The following DPP10 variants were observed in gnomAD, a reference collection of about 807,000 sequenced individuals.
DPP10 encodes the protein inactive dipeptidyl peptidase 10.
DPP10 carries 33 observed loss-of-function variants against 120.9 expected under a neutral mutation model. The ratio of observed to expected loss-of-function variants is 0.27; its 90% CI spans 0.21 to 0.37. DPP10 has a LOEUF of 0.37. Among genes scored for constraint, DPP10 ranks in the 10% least tolerant of loss-of-function variants. DPP10 has a pLI of 1.00. For synonymous variants in DPP10, 337 were observed against 326.1 expected, an observed-to-expected ratio of 1.03 and a Z score of -0.36; for missense variants, 816 against 942.8, an observed-to-expected ratio of 0.87 and a Z score of 1.76.
chr2:115,642,601 C>G (rs2086875860), intron 5 of DPP10, among the ~76,000 whole-genome samples: 1 of 152,066 alleles, frequency 6.6e-6, no homozygotes, highest in Non-Finnish European at 1.5e-5. Flanking sequence ...CTTCTTATTT[C>G]TCTTAAATTC....
At chr2:115,402,250 C>G (rs115854420) in intron 3 of DPP10, among the ~76,000 whole-genome samples, 2 of 152,076 alleles carry the variant, frequency 1.3e-5, no homozygotes, top group South Asian at 2.1e-4. Flanking sequence ...GTTTTCCCAC[C>G]ATTCAGGCAC....
intron 1 of DPP10, among the ~76,000 whole-genome samples, chr2:114,832,872 T>A (rs891893528): frequency 5.9e-5 from 9 of 151,910 alleles, no homozygotes; most frequent in Admixed American, 2.6e-4. Flanking sequence ...AAAAAAAAAA[T>A]TTAAGTACTT....
chr2:115,643,551 C>T (rs2086965832), intron 5 of DPP10, among the ~76,000 whole-genome samples: 1 of 152,148 alleles, frequency 6.6e-6, no homozygotes, highest in Non-Finnish European at 1.5e-5. Context: ...TCTAACAGAA[C>T]ACTGGATGAT....
intron 1 of DPP10, among the ~76,000 whole-genome samples, chr2:114,827,759 T>C (rs1426791576): frequency 1.3e-5 from 2 of 152,036 alleles, no homozygotes; most frequent in Non-Finnish European, 2.9e-5. Context: ...CTGGGGGAGG[T>C]AGATCAAGTA....
chr2:115,840,794 A>G lies in DPP10; in HGVS notation c.2227A>G (p.Ile743Val), dbSNP rs931949159. The change falls in exon 25 of 26, where the codon ATA (isoleucine) becomes GTA (valine). Residue 743 changes from isoleucine (I) to valine (V), a missense_variant. Ile to Val is a conservative substitution (Grantham distance 29). This residue lies in a region of DPP10 where 592 missense variants were observed against 649.0 expected (regional missense o/e 0.91). Transcript: ENST00000410059. Reference protein sequence around the residue: ...QHSAELIKHLIKAGVNYTMQV... With the variant: ...QHSAELIKHLVKAGVNYTMQV... ...CTCAGCAGAATTAATCAAGCACCTA[A>G]TAAAAGCTGGAGTGAATTATACTAT... 1 of 1,613,684 alleles carries G rather than the reference A, an allele frequency of 6.2e-7. No homozygotes were observed. The highest frequency in any genetic ancestry group is 1.3e-5 in the African/African-American group (1 of 74,912).
At chr2:115,596,639 T>C (rs1287778169) in intron 5 of DPP10, among the ~76,000 whole-genome samples, 1 of 152,120 alleles carries the variant, frequency 6.6e-6, no homozygotes, top group Non-Finnish European at 1.5e-5. Context: ...GGACAGCTCT[T>C]GTAAAACAAA....
intron 3 of DPP10, among the ~76,000 whole-genome samples, chr2:115,368,196 T>C (rs898515234): frequency 6.6e-6 from 1 of 152,096 alleles, no homozygotes; most frequent in African/African-American, 2.4e-5. Context: ...AGGCCGAAAT[T>C]ATGACAGAGA....
At chr2:115,777,916 T>G in intron 15 of DPP10, 82 bp downstream of exon 15, 1 of 1,432,192 alleles carries the variant, frequency 7.0e-7, no homozygotes, top group Non-Finnish European at 9.7e-7. Flanking sequence ...AAGGAAAAAT[T>G]TGAAATGTCT....
At chr2:115,838,291 A>G (rs1450489858) in intron 24 of DPP10, among the ~76,000 whole-genome samples, 2 of 152,194 alleles carry the variant, frequency 1.3e-5, no homozygotes, top group Non-Finnish European at 2.9e-5. Context: ...TTACATATAT[A>G]TCAACAGTAA....
At chr2:114,497,421 A>C in intron 1 of DPP10, among the ~76,000 whole-genome samples, 1 of 112,000 alleles carries the variant, frequency 8.9e-6, no homozygotes, top group African/African-American at 4.8e-5. Flanking sequence ...ATACATATGC[A>C]TCTATATATA....
chr2:114,543,147 T>A (rs1205037964), intron 1 of DPP10, among the ~76,000 whole-genome samples: 3 of 152,262 alleles, frequency 2.0e-5, no homozygotes, highest in Non-Finnish European at 4.4e-5. Flanking sequence ...TATTAATTGT[T>A]AAAATTCACT....
chr2:114,820,030 T>A (rs189687414), intron 1 of DPP10, among the ~76,000 whole-genome samples: 86 of 152,348 alleles, frequency 5.6e-4, no homozygotes, highest in African/African-American at 2.0e-3. Context: ...ATTTGGTAAT[T>A]TTGATTGAGT....
At chr2:115,769,173 A>G (rs1681156934) in intron 13 of DPP10, among the ~76,000 whole-genome samples, 2 of 152,080 alleles carry the variant, frequency 1.3e-5, no homozygotes, top group Admixed American at 1.3e-4. Flanking sequence ...CTAGTCTCAC[A>G]CACAGGTTAA....
chr2:114,873,508 A>G (rs1690872704), intron 1 of DPP10, among the ~76,000 whole-genome samples: 1 of 152,144 alleles, frequency 6.6e-6, no homozygotes, highest in Admixed American at 6.6e-5. Flanking sequence ...TCTTTGAATA[A>G]TTATGTATCA....
chr2:115,459,476 A>T (rs2073848765), intron 3 of DPP10, among the ~76,000 whole-genome samples: 1 of 152,124 alleles, frequency 6.6e-6, no homozygotes, highest in Non-Finnish European at 1.5e-5. Context: ...ATTTTAATAT[A>T]AAGTTTTCTA....
At chr2:114,968,510 T>C (rs368089916) in intron 1 of DPP10, among the ~76,000 whole-genome samples, 2 of 152,200 alleles carry the variant, frequency 1.3e-5, no homozygotes, top group East Asian at 1.9e-4. Context: ...AGTCACTATA[T>C]GTTCTTGGAA....
intron 1 of DPP10, among the ~76,000 whole-genome samples, chr2:114,727,484 T>G (rs1436694147): frequency 1.3e-5 from 2 of 152,088 alleles, no homozygotes; most frequent in African/African-American, 2.4e-5. Flanking sequence ...AGGATAAAAA[T>G]AAAAGGAGCC....
intron 3 of DPP10, among the ~76,000 whole-genome samples, chr2:115,413,056 C>T (rs1042822591): frequency 1.3e-5 from 2 of 152,052 alleles, no homozygotes; most frequent in Non-Finnish European, 2.9e-5. Flanking sequence ...ATGGCCAAAC[C>T]CCATTTTCTG....
At chr2:114,753,908 CA>C (rs777798352) in intron 1 of DPP10, among the ~76,000 whole-genome samples, 1,363 of 33,740 alleles carry the variant, frequency 0.04, 15 homozygotes, top group East Asian at 0.26. Context: ...GACTCCTTCT[CA>C]AAAAAAAAAA....
Sources: allele counts gnomAD v4.1 joint callset (sites outside exome capture counted in the v4.1 genomes callset), GRCh38; gene constraint gnomAD v4.1.1; regional missense constraint gnomAD v4.1.1; transcripts MANE v1.5; gene names NCBI Gene and HGNC (gene_info 2026-07-23, HGNC 2026-07-21).